The following SLC12A2 variants were observed in gnomAD, a reference collection of about 807,000 sequenced individuals.
The protein encoded by SLC12A2 is solute carrier family 12 member 2.
SLC12A2 carries 67 observed loss-of-function variants against 136.3 expected under a neutral mutation model. The observed-to-expected ratio is 0.49, with a 90% CI of 0.40 to 0.60. The LOEUF (loss-of-function observed/expected upper bound fraction) is 0.60. Among genes scored for constraint, SLC12A2 ranks in the 20% least tolerant of loss-of-function variants. SLC12A2 has a pLI of 0.00. For missense variants in SLC12A2, 1,322 were observed against 1,534.7 expected (o/e 0.86, Z 2.32); for synonymous variants, 619 against 562.9 (o/e 1.10, Z -1.41).
Position 128,158,741 on chromosome 5 carries a change from A to G in SLC12A2, c.2475+577A>G, listed in dbSNP as rs544913366. On this transcript the variant is annotated intron_variant, in intron 16 of 26. Transcript: ENST00000262461. Reference sequence around the variant, plus strand: ...CCCAATAATGGGATTGCTGAGTCGAATGATAGTTCTGCTTTGAGTTCTTTG... The same window carrying G: ...CCCAATAATGGGATTGCTGAGTCGAGTGATAGTTCTGCTTTGAGTTCTTTG... 1.7e-4 allele frequency among the ~76,000 whole-genome samples: 26 copies of G among 152,272 alleles called. No individual in the cohort carries two copies. In the South Asian group the frequency reaches 5.4e-3, roughly 32 times the overall value.
intron 1 of SLC12A2, among the ~76,000 whole-genome samples, chr5:128,093,338 C>G (rs1442947955): frequency 6.6e-6 from 1 of 152,064 alleles, no homozygotes; most frequent in East Asian, 1.9e-4. Flanking sequence ...CTTCCTTGTT[C>G]CTCTTTTTTC....
intron 15 of SLC12A2, among the ~76,000 whole-genome samples, chr5:128,155,704 C>G (rs549994460): frequency 6.6e-6 from 1 of 152,186 alleles, no homozygotes; most frequent in Admixed American, 6.5e-5. Flanking sequence ...TGAAGTATCT[C>G]TAATACTTGG....
chr5:128,121,571 C>A (rs1282685912), intron 4 of SLC12A2, among the ~76,000 whole-genome samples: 2 of 152,080 alleles, frequency 1.3e-5, no homozygotes, highest in Non-Finnish European at 2.9e-5. Flanking sequence ...ATCTGCCCGC[C>A]TCAGCCTCCC....
At position 128,084,214 on chromosome 5, in the gene SLC12A2, C is replaced by T. The variant is rs1759952275; in HGVS notation, c.260C>T (p.Ser87Phe). The change falls in exon 1 of 27, where the codon TCC becomes TTC. Residue 87 changes from serine (S) to phenylalanine (F), a missense_variant. Ser to Phe is a radical substitution (Grantham distance 155, BLOSUM62 -2). Around this residue, in one of 8 missense-constraint regions of SLC12A2, gnomAD observed 358 missense variants for 299.7 expected, o/e 1.19. Coordinates refer to ENST00000262461, the MANE Select transcript of SLC12A2 (RefSeq NM_001046.3). This position sits in a 1 kb window ranked among gnomAD's most constrained non-coding sequence, Gnocchi z 5.6. ...SQSRFQVDLV[S>F]ENAGRAAAAA... The stretch of plus-strand genomic sequence containing the variant: ...AGCCGTTTCCAGGTGGACCTGGTTT[C>T]CGAGAACGCCGGGCGGGCCGCTGCT... 6 of 1,281,740 alleles carry T rather than the reference C, an allele frequency of 4.7e-6. No individual in the cohort carries two copies. Among genetic ancestry groups the T allele is most frequent in the Non-Finnish European group, 4.9e-6 (5 of 1,023,438 alleles). The allele number at this position is 1,281,740 out of a possible 1,614,324, so 79.4% of individuals were successfully genotyped here.
At chr5:128,089,928 C>G (rs1224975293) in intron 1 of SLC12A2, among the ~76,000 whole-genome samples, 1 of 152,174 alleles carries the variant, frequency 6.6e-6, no homozygotes, top group African/African-American at 2.4e-5. Flanking sequence ...AAGAATGTGT[C>G]TCTCGAGGGT....
At chr5:128,186,157 G>A (rs781681889) in intron 26 of SLC12A2, among the ~76,000 whole-genome samples, 7 of 152,084 alleles carry the variant, frequency 4.6e-5, no homozygotes, top group African/African-American at 1.2e-4. Flanking sequence ...CTACAGTAAC[G>A]TACTATACAG....
At chr5:128,185,613 A>G (rs890767148) in intron 26 of SLC12A2, among the ~76,000 whole-genome samples, 3 of 152,228 alleles carry the variant, frequency 2.0e-5, no homozygotes, top group African/African-American at 7.2e-5. Flanking sequence ...GAGAAAAACT[A>G]TACAGCAATT....
In SLC12A2 at chr5:128,184,387, C is replaced by A; in HGVS notation, c.3321C>A (p.Ile1107=). 1 of 1,560,450 alleles carries A rather than the reference C, an allele frequency of 6.4e-7. No individual in the cohort carries two copies. The highest frequency in any genetic ancestry group is 1.2e-5 in the South Asian group (1 of 83,168). Residue 1107 remains isoleucine, a synonymous_variant, in exon 25 of 27, where the codon ATC becomes ATA. Transcript: ENST00000262461. ...KKENIIAFEE[I]IEPYRLHEDD... Reference sequence around the variant, plus strand: ...AAAGTATTATAGCTTTTGAGGAAATCATTGAGCCATACAGACTTCATGAAG... The same window carrying A: ...AAAGTATTATAGCTTTTGAGGAAATAATTGAGCCATACAGACTTCATGAAG...
At chr5:128,123,034 G>C (rs1287194311) in intron 4 of SLC12A2, among the ~76,000 whole-genome samples, 1 of 152,046 alleles carries the variant, frequency 6.6e-6, no homozygotes, top group Non-Finnish European at 1.5e-5. Context: ...GCAAGTAATA[G>C]AATTTTCAGC....
In SLC12A2 at chr5:128,178,667, C is replaced by G; in HGVS notation, c.3078C>G (p.Val1026=). Reference sequence around the variant, plus strand: ...AACAAGGAAAGAATACTATTGATGTCTGGTGGCTTTTTGATGATGGAGGTA... The same window carrying G: ...AACAAGGAAAGAATACTATTGATGTGTGGTGGCTTTTTGATGATGGAGGTA... The part of the protein sequence containing the change: ...QKKQGKNTID[V]WWLFDDGGLT... The change falls in exon 22 of 27, where the codon GTC becomes GTG. Residue 1026 remains valine (V), a synonymous_variant. Coordinates refer to ENST00000262461, the MANE Select transcript of SLC12A2 (RefSeq NM_001046.3). 6.4e-7 allele frequency: 1 copy of G among 1,573,474 alleles called. No individual in the cohort carries two copies. Among genetic ancestry groups the G allele is most frequent in the Non-Finnish European group, 8.6e-7 (1 of 1,164,146 alleles).
chr5:128,125,342 A>G (rs1368194490), intron 4 of SLC12A2, among the ~76,000 whole-genome samples: 1 of 152,212 alleles, frequency 6.6e-6, no homozygotes. Context: ...CCTACAGACC[A>G]CAGTGGAAGT....
Position 128,188,919 on chromosome 5 carries a change from AC to A in SLC12A2, c.*2290del, listed in dbSNP as rs1264024228. The A allele has an allele frequency of 2.8e-5, 4 of 141,040 alleles. No individual in the cohort carries two copies. The highest frequency in any genetic ancestry group is 6.1e-5 in the Non-Finnish European group (4 of 65,960). The allele number at this position is 141,040 out of a possible 1,614,324, so 8.7% of individuals were successfully genotyped here. A position where few individuals can be genotyped will look rare whatever the true frequency, so the allele number is the denominator to read the frequency against. Reference sequence around the variant, plus strand: ...TCTTGAAATGTGCACAGGTACACTTACCTTTTTTTTTTTTTTTTTTAAGTTT... The same window carrying A: ...TCTTGAAATGTGCACAGGTACACTTACTTTTTTTTTTTTTTTTTTAAGTTT... On this transcript the variant is annotated 3_prime_UTR_variant, in exon 27 of 27. Coordinates refer to ENST00000262461, the MANE Select transcript of SLC12A2 (RefSeq NM_001046.3).
In SLC12A2 at chr5:128,186,562, A is replaced by G. The variant is rs766549802; in HGVS notation, c.3570A>G (p.Leu1190=). 34 of 1,612,748 alleles carry G rather than the reference A, an allele frequency of 2.1e-5. No homozygotes were observed. In the Admixed American group the frequency reaches 3.5e-4, roughly 17 times the overall value. ...SALYMAWLEA[L]SKDLPPILLV... ...TCTACATGGCATGGTTAGAAGCTCT[A>G]TCTAAGGACCTACCACCAATCCTCC... The change falls in exon 27 of 27, where the codon CTA becomes CTG. Residue 1190 remains leucine (L), a synonymous_variant. Coordinates refer to ENST00000262461, the MANE Select transcript of SLC12A2 (RefSeq NM_001046.3).
chr5:128,148,975 A>G lies in SLC12A2; in HGVS notation c.2005+98A>G, dbSNP rs556728460. The G allele has an allele frequency of 1.5e-3, 1,557 of 1,066,294 alleles. 2 individuals carry two copies. Among genetic ancestry groups the G allele is most frequent in the Non-Finnish European group, 1.8e-3 (1,378 of 752,862 alleles). 66.1% of individuals were successfully genotyped at this position (1,066,294 alleles called of 1,614,324 possible). The stretch of plus-strand genomic sequence containing the variant: ...ATTAACAATGTTATCTTGGTATACT[A>G]AGTTTCTTTGTAATCAAAGAAAGTT... On this transcript the variant is annotated intron_variant, in intron 12 of 26. Transcript: ENST00000262461.
At chr5:128,100,469 A>G (rs781317746) in intron 1 of SLC12A2, among the ~76,000 whole-genome samples, 12 of 152,148 alleles carry the variant, frequency 7.9e-5, no homozygotes, top group Non-Finnish European at 1.8e-4. Context: ...TCCAGTAGAT[A>G]TAATGCAAAT....
intron 21 of SLC12A2, among the ~76,000 whole-genome samples, 154 bp downstream of exon 21, chr5:128,177,306 T>C (rs1194470391): frequency 1.3e-5 from 2 of 152,120 alleles, no homozygotes; most frequent in African/African-American, 4.8e-5. Flanking sequence ...TTATTATTAG[T>C]CTAACTAAAA....
intron 4 of SLC12A2, among the ~76,000 whole-genome samples, chr5:128,126,969 T>A (rs1206884065): frequency 1.2e-3 from 145 of 123,248 alleles, no homozygotes; most frequent in African/African-American, 4.9e-3. Context: ...TATATATATT[T>A]TTTTTTTTTT....
At position 128,084,133 on chromosome 5, in the gene SLC12A2, GC is replaced by G. The variant is rs1490363154; in HGVS notation, c.183del (p.Ala62ArgfsTer80). Reference sequence around the variant, plus strand: ...GACGGCGGCGGGGTCCGCGATGAGGGCCCCGCGGCGGCCGGGGACGGGCTGG... The same window carrying G: ...GACGGCGGCGGGGTCCGCGATGAGGGCCCGCGGCGGCCGGGGACGGGCTGG... ...SRDGGGVRDEGPAAAGDGLGR... is the reference protein window; with the variant it reads ...SRDGGGVRDEXPAAAGDGLGR... On this transcript the variant is annotated frameshift_variant, in exon 1 of 27. Transcript: ENST00000262461. LOFTEE classifies it high-confidence loss of function. This position sits in a 1 kb window ranked among gnomAD's most constrained non-coding sequence, Gnocchi z 5.6. 5 of 1,296,798 alleles carry G rather than the reference GC, an allele frequency of 3.9e-6. No homozygotes were observed. The highest frequency in any genetic ancestry group is 4.7e-5 in the South Asian group (2 of 42,236). 80.3% of individuals were successfully genotyped at this position (1,296,798 alleles called of 1,614,324 possible).
chr5:128,149,866 C>T (rs113997367), intron 12 of SLC12A2, 131 bp from the exon 13 acceptor site: 7,177 of 699,682 alleles, frequency 0.01, 56 homozygotes, highest in Non-Finnish European at 0.012. Flanking sequence ...ATGGCAAACT[C>T]TAAATGTTTA....
Sources: gnomAD v4.1 joint callset for allele counts (sites outside exome capture counted in the v4.1 genomes callset) on GRCh38, gnomAD v4.1.1 for gene constraint, gnomAD v4.1.1 regional missense constraint, Gnocchi (gnomAD v3.1) non-coding constraint, MANE v1.5 for transcripts, NCBI Gene and HGNC (gene_info 2026-07-23, HGNC 2026-07-21) for gene names.